The following LHFPL3 variants were observed in gnomAD, a reference collection of about 807,000 sequenced individuals.
The protein encoded by LHFPL3 is LHFPL tetraspan subfamily member 3 protein.
A neutral mutation model predicts 19.3 loss-of-function variants in LHFPL3; 5 were observed. The observed-to-expected ratio is 0.26, with a 90% CI of 0.14 to 0.54. LHFPL3 has a LOEUF of 0.54. Ranked by LOEUF, LHFPL3 falls within the 20% of genes least tolerant of loss-of-function variation. The pLI is 0.94. For missense variants in LHFPL3, 249 were observed against 307.4 expected, an observed-to-expected ratio of 0.81 and a Z score of 1.42; for synonymous variants, 133 against 126.2, an observed-to-expected ratio of 1.05 and a Z score of -0.36.
intron 1 of LHFPL3, among the ~76,000 whole-genome samples, chr7:104,711,935 G>A (rs1396410563): frequency 6.6e-6 from 1 of 152,164 alleles, no homozygotes; most frequent in Non-Finnish European, 1.5e-5. Context: ...GTACTACTAT[G>A]TGTAACATTA....
chr7:104,786,417 G>A (rs1029266543), intron 2 of LHFPL3: 2 of 152,140 alleles, frequency 1.3e-5, no homozygotes, highest in Admixed American at 1.3e-4. Flanking sequence ...TTTGGATGAG[G>A]TGATATATAA....
At chr7:104,341,415 A>G (rs1330934884) in intron 1 of LHFPL3, among the ~76,000 whole-genome samples, 1 of 152,252 alleles carries the variant, frequency 6.6e-6, no homozygotes, top group Non-Finnish European at 1.5e-5. Flanking sequence ...GACTACATCT[A>G]TGACTATGAT....
At position 104,805,378 on chromosome 7, in the gene LHFPL3, G is replaced by A. The variant is rs572592048; in HGVS notation, c.682+68467G>A. On this transcript the variant is annotated intron_variant, in intron 2 of 2. Coordinates refer to ENST00000424859, the MANE Select transcript of LHFPL3 (RefSeq NM_199000.3). ...AATAATTGCTTCCTGAAAGAGATGC[G>A]ACTCAAATGAATGTGTAGTCCTTGT... Among the ~76,000 whole-genome samples the A allele has an allele frequency of 2.9e-4, 44 of 152,254 alleles. 2 individuals are homozygous for A. In the South Asian group the frequency reaches 5.4e-3, roughly 19 times the overall value.
chr7:104,874,836 T>C (rs1791906572), intron 2 of LHFPL3, among the ~76,000 whole-genome samples: 2 of 151,954 alleles, frequency 1.3e-5, no homozygotes, highest in South Asian at 4.1e-4. Flanking sequence ...CTCAGCAGTT[T>C]GATGGTTTGG....
At chr7:104,351,228 A>T (rs1294227301) in intron 1 of LHFPL3, among the ~76,000 whole-genome samples, 1 of 152,038 alleles carries the variant, frequency 6.6e-6, no homozygotes, top group African/African-American at 2.4e-5. Context: ...ATCCAGAGAA[A>T]TCCCTTCTCT....
chr7:104,454,885 T>C (rs535501076), intron 1 of LHFPL3, among the ~76,000 whole-genome samples: 1 of 152,374 alleles, frequency 6.6e-6, no homozygotes, highest in African/African-American at 2.4e-5. Flanking sequence ...ATTCATAAAG[T>C]ACAAATTATT....
At chr7:104,503,260 A>G (rs1193632801) in intron 1 of LHFPL3, among the ~76,000 whole-genome samples, 1 of 152,172 alleles carries the variant, frequency 6.6e-6, no homozygotes, top group African/African-American at 2.4e-5. Flanking sequence ...AGAATGAACA[A>G]TGCTATCCCA....
chr7:104,524,702 A>C (rs1206743639), intron 1 of LHFPL3, among the ~76,000 whole-genome samples: 1 of 152,174 alleles, frequency 6.6e-6, no homozygotes, highest in African/African-American at 2.4e-5. Flanking sequence ...TTACGATGCT[A>C]CTTTGAATTT....
chr7:104,464,360 A>C (rs35865310), intron 1 of LHFPL3, among the ~76,000 whole-genome samples: 32,895 of 152,022 alleles, frequency 0.22, 3,877 homozygotes, highest in African/African-American at 0.32. Context: ...GTTGGTGGAT[A>C]CCATTCTTGG....
chr7:104,357,744 G>A (rs1248102381), intron 1 of LHFPL3, among the ~76,000 whole-genome samples: 2 of 150,316 alleles, frequency 1.3e-5, no homozygotes, highest in African/African-American at 2.5e-5. Context: ...TCCTGCAGGT[G>A]GAATTTCTCC....
At chr7:104,388,452 G>A (rs1261873272) in intron 1 of LHFPL3, among the ~76,000 whole-genome samples, 2 of 152,050 alleles carry the variant, frequency 1.3e-5, no homozygotes, top group East Asian at 3.8e-4. Flanking sequence ...GAAGGCAGTG[G>A]AATGGCGTAT....
At chr7:104,614,617 T>C (rs1440998654) in intron 1 of LHFPL3, among the ~76,000 whole-genome samples, 1 of 143,730 alleles carries the variant, frequency 7.0e-6, no homozygotes, top group Non-Finnish European at 1.5e-5. Context: ...TCTTCTCTTC[T>C]CTTCTCTTCT....
chr7:104,406,459 T>C (rs1791414351), intron 1 of LHFPL3, among the ~76,000 whole-genome samples: 1 of 152,242 alleles, frequency 6.6e-6, no homozygotes, highest in Non-Finnish European at 1.5e-5. Context: ...TAATATATTA[T>C]CATTTATTCC....
intron 1 of LHFPL3, among the ~76,000 whole-genome samples, chr7:104,368,028 C>A (rs73403826): frequency 0.23 from 35,644 of 152,094 alleles, 4,604 homozygotes; most frequent in African/African-American, 0.33. Flanking sequence ...GTAAACCCAG[C>A]TTTCCTCTCA....
At chr7:104,775,842 TC>T (rs771141690) in intron 2 of LHFPL3, among the ~76,000 whole-genome samples, 5 of 100,634 alleles carry the variant, frequency 5.0e-5, no homozygotes, top group Admixed American at 2.4e-4. Flanking sequence ...CCCTGGGAGT[TC>T]TTTTCTGTCT....
intron 1 of LHFPL3, among the ~76,000 whole-genome samples, chr7:104,337,586 A>G (rs904633167): frequency 6.6e-6 from 1 of 152,182 alleles, no homozygotes; most frequent in African/African-American, 2.4e-5. Context: ...CTAAGAAAGA[A>G]TAGGTCATTG....
At chr7:104,716,460 T>C (rs371889267) in intron 1 of LHFPL3, among the ~76,000 whole-genome samples, 4 of 145,124 alleles carry the variant, frequency 2.8e-5, no homozygotes, top group African/African-American at 7.5e-5. Flanking sequence ...TTGAAACTAA[T>C]AGACAAATCA....
chr7:104,863,721 C>T lies in LHFPL3; in HGVS notation c.683-42466C>T, dbSNP rs142467846. Among the ~76,000 whole-genome samples the T allele has an allele frequency of 5.6e-3, 852 of 152,350 alleles. 8 individuals carry two copies. Among genetic ancestry groups the T allele is most frequent in the African/African-American group, 0.02 (817 of 41,580 alleles). ...CGGCTCAGAGACATCAGGTAACTGA[C>T]TCAGCCTTGCACAGTGAGTCACTGG... On this transcript the variant is annotated intron_variant, in intron 2 of 2. Transcript: ENST00000424859.
chr7:104,896,572 G>C (rs1490453130), intron 2 of LHFPL3, among the ~76,000 whole-genome samples: 1 of 152,212 alleles, frequency 6.6e-6, no homozygotes. Context: ...ATGAACAGGT[G>C]TTCACCAGTT....
Sources: allele counts gnomAD v4.1 joint callset (sites outside exome capture counted in the v4.1 genomes callset), GRCh38; gene constraint gnomAD v4.1.1; transcripts MANE v1.5; gene names NCBI Gene and HGNC (gene_info 2026-07-23, HGNC 2026-07-21).